The following ITSN1 variants were observed in gnomAD, a reference collection of about 807,000 sequenced individuals.
The protein encoded by ITSN1 is intersectin-1.
ITSN1 carries 58 observed loss-of-function variants against 239.8 expected under a neutral mutation model. The observed-to-expected ratio is 0.24, with a 90% confidence interval of 0.20 to 0.30. The LOEUF is 0.30. Among genes scored for constraint, ITSN1 ranks in the 10% least tolerant of loss-of-function variants. The pLI, the probability that ITSN1 is intolerant of heterozygous loss-of-function variation, is 1.00. For missense variants in ITSN1, 1,558 were observed against 2,103.3 expected (o/e 0.74, Z 5.07); for synonymous variants, 780 against 770.8 (o/e 1.01, Z -0.20).
chr21:33,733,248 T>C (rs2066299036), intron 4 of ITSN1, among the ~76,000 whole-genome samples: 1 of 152,190 alleles, frequency 6.6e-6, no homozygotes, highest in African/African-American at 2.4e-5. Flanking sequence ...TCACTTCATA[T>C]GAACATTTGA....
At chr21:33,886,237 A>T in intron 38 of ITSN1, 50 bp from the exon 39 acceptor site, 1 of 1,416,714 alleles carries the variant, frequency 7.1e-7, no homozygotes, top group Non-Finnish European at 9.7e-7. Context: ...AAGAGTGGAG[A>T]TCAAAATGAG....
At chr21:33,716,522 A>G (rs865919813) in intron 1 of ITSN1, 5 of 152,192 alleles carry the variant, frequency 3.3e-5, no homozygotes, top group African/African-American at 1.2e-4. Flanking sequence ...AAACCTCCAC[A>G]TTACTGAACA....
At position 33,875,464 on chromosome 21, in the gene ITSN1, G is replaced by A. The variant is rs760542521; in HGVS notation, c.4284G>A (p.Glu1428=). 22 of 1,614,066 alleles carry A rather than the reference G, an allele frequency of 1.4e-5. No homozygotes were observed. Among genetic ancestry groups the A allele is most frequent in the Admixed American group, 6.7e-5 (4 of 60,008 alleles). The change falls in exon 34 of 40, where the codon GAG becomes GAA. Residue 1428 remains glutamate (E), a synonymous_variant. Coordinates refer to ENST00000381318, the MANE Select transcript of ITSN1 (RefSeq NM_003024.3). ...TGAACGAAGGGGTGCGGGAGAAGGA[G>A]AACTCTGACCGGCTGGAGTGGATCC... ...SQVNEGVREK[E]NSDRLEWIQA...
intron 29 of ITSN1, among the ~76,000 whole-genome samples, chr21:33,849,631 A>G (rs1380334360): frequency 6.6e-6 from 1 of 152,088 alleles, no homozygotes; most frequent in Admixed American, 6.6e-5. Flanking sequence ...TAGTAATTTA[A>G]TTGTACATTT....
intron 1 of ITSN1, among the ~76,000 whole-genome samples, chr21:33,668,296 C>A (rs934030990): frequency 6.6e-6 from 1 of 152,110 alleles, no homozygotes. Flanking sequence ...ATTATTGAAA[C>A]GCAATTTGTC....
chr21:33,856,488 A>C (rs975472005), intron 29 of ITSN1, among the ~76,000 whole-genome samples: 1 of 152,190 alleles, frequency 6.6e-6, no homozygotes, highest in African/African-American at 2.4e-5. Flanking sequence ...TAGGGTCAGG[A>C]CCCAACCCTG....
rs919526975 is a variant in ITSN1 at position 33,888,133 on chromosome 21, C to T, written c.5018-19C>T. On this transcript the variant is annotated intron_variant, in intron 39 of 39. Transcript: ENST00000381318. ...AGGGAATGGTCCCTCTTAGGAGGGTCTGTTTGTTCTCTTTTCAGATTTTTT... is the reference window on the plus strand; with the variant it reads ...AGGGAATGGTCCCTCTTAGGAGGGTTTGTTTGTTCTCTTTTCAGATTTTTT... 4.3e-6 allele frequency: 7 copies of T among 1,613,358 alleles called. No homozygotes were observed. Among genetic ancestry groups the T allele is most frequent in the African/African-American group, 1.3e-5 (1 of 74,834 alleles).
chr21:33,650,407 G>A (rs1488900208), intron 1 of ITSN1, among the ~76,000 whole-genome samples: 1 of 152,196 alleles, frequency 6.6e-6, no homozygotes, highest in Non-Finnish European at 1.5e-5. Context: ...GTGTGTGTGT[G>A]TCTGTTTGCC....
chr21:33,885,182 C>A, intron 37 of ITSN1, 59 bp downstream of exon 37: 1 of 1,420,712 alleles, frequency 7.0e-7, no homozygotes, highest in Non-Finnish European at 9.9e-7. Context: ...GGCCATTTGG[C>A]TGGGCTGAAA....
chr21:33,793,927 G>A (rs1401685090), intron 16 of ITSN1, among the ~76,000 whole-genome samples: 1 of 152,154 alleles, frequency 6.6e-6, no homozygotes, highest in African/African-American at 2.4e-5. Context: ...GTGAAGAAGA[G>A]GCATCTGTAT....
At chr21:33,740,501 G>A (rs2066779393) in intron 5 of ITSN1, among the ~76,000 whole-genome samples, 3 of 152,304 alleles carry the variant, frequency 2.0e-5, no homozygotes, top group African/African-American at 7.2e-5. Context: ...TTTGAGAGAT[G>A]GAGTAAGAAT....
At chr21:33,679,889 GA>G (rs2090837828) in intron 1 of ITSN1, among the ~76,000 whole-genome samples, 1 of 151,854 alleles carries the variant, frequency 6.6e-6, no homozygotes, top group African/African-American at 2.4e-5. Context: ...TAGTAGAGAC[GA>G]GGTTTCACCG....
intron 7 of ITSN1, among the ~76,000 whole-genome samples, chr21:33,754,837 T>A (rs2067802853): frequency 1.3e-5 from 2 of 152,164 alleles, no homozygotes; most frequent in African/African-American, 4.8e-5. Context: ...AAGAAATGGG[T>A]CCTGTATATT....
At chr21:33,884,986 T>C (rs906758479) in intron 36 of ITSN1, 55 bp from the exon 37 acceptor site, 31 of 1,324,124 alleles carry the variant, frequency 2.3e-5, no homozygotes, top group Non-Finnish European at 3.1e-5. Flanking sequence ...TGAACAGACC[T>C]GAAGCCTTTT....
At chr21:33,711,601 A>G (rs1199319654) in intron 1 of ITSN1, among the ~76,000 whole-genome samples, 1 of 137,508 alleles carries the variant, frequency 7.3e-6, no homozygotes, top group Non-Finnish European at 1.6e-5. Flanking sequence ...GATTTTTAAC[A>G]TTCCATTTTC....
chr21:33,877,085 G>A lies in ITSN1; in HGVS notation c.4341+1564G>A, dbSNP rs1351966787. ...TTTTTTTTTTTTGAAATGGAGTCTCGCTCTGTCACCCAGGGTGGAGTGCAG... is the reference window on the plus strand; with the variant it reads ...TTTTTTTTTTTTGAAATGGAGTCTCACTCTGTCACCCAGGGTGGAGTGCAG... On this transcript the variant is annotated intron_variant, in intron 34 of 39. Transcript: ENST00000381318. 1.5e-4 allele frequency among the ~76,000 whole-genome samples: 8 copies of A among 53,160 alleles called. No individual in the cohort carries two copies. The South Asian group carries it at 3.3e-3, about 22-fold the overall frequency. The allele number at this position is 53,160 out of a possible 152,430, so 34.9% of individuals were successfully genotyped here.
intron 8 of ITSN1, 78 bp from the exon 9 acceptor site, chr21:33,761,845 A>T: frequency 9.7e-7 from 1 of 1,026,708 alleles, no homozygotes; most frequent in South Asian, 1.3e-5. Flanking sequence ...AGTAGTCCAC[A>T]TACGCAGAAC....
At chr21:33,839,168 G>A (rs2074738576) in intron 29 of ITSN1, among the ~76,000 whole-genome samples, 1 of 152,208 alleles carries the variant, frequency 6.6e-6, no homozygotes, top group African/African-American at 2.4e-5. Flanking sequence ...GTACTCCGTG[G>A]AAACAGAGTC....
intron 1 of ITSN1, among the ~76,000 whole-genome samples, chr21:33,688,071 G>A (rs540267097): frequency 6.7e-6 from 1 of 148,436 alleles, no homozygotes; most frequent in South Asian, 2.1e-4. Flanking sequence ...AATCATCACT[G>A]TTTTGTTTGC....
Sources: allele counts gnomAD v4.1 joint callset (sites outside exome capture counted in the v4.1 genomes callset), GRCh38; gene constraint gnomAD v4.1.1; transcripts MANE v1.5; gene names NCBI Gene and HGNC (gene_info 2026-07-23, HGNC 2026-07-21).